The following RAB31 variants were observed in gnomAD, a reference collection of about 807,000 sequenced individuals.
RAB31 encodes the protein RAB31, member RAS oncogene family.
A neutral mutation model predicts 25.6 loss-of-function variants in RAB31; 21 were observed. The observed-to-expected ratio is 0.82, with a 90% CI of 0.58 to 1.18. The LOEUF (loss-of-function observed/expected upper bound fraction) is 1.18. RAB31 is among the 50% of genes most tolerant of loss of function. The pLI is 0.00. For synonymous variants in RAB31, 87 were observed against 84.0 expected (o/e 1.04, Z -0.20); for missense variants, 196 against 250.1 (o/e 0.78, Z 1.46).
At position 9,815,074 on chromosome 18, in the gene RAB31, T is replaced by C. The variant is rs377399469; in HGVS notation, c.274-42T>C. 13 of 1,339,948 alleles carry C rather than the reference T, an allele frequency of 9.7e-6. No individual in the cohort carries two copies. The East Asian group carries it at 1.8e-4, about 18-fold the overall frequency. The allele number at this position is 1,339,948 out of a possible 1,614,324, so 83.0% of individuals were successfully genotyped here. On this transcript the variant is annotated intron_variant, in intron 4 of 6. Coordinates refer to ENST00000578921, the MANE Select transcript of RAB31 (RefSeq NM_006868.4). The stretch of plus-strand genomic sequence containing the variant: ...ATTTCTGCTTAGTTGAAATATTATA[T>C]TGAGGGGTCTTTCTAATGATTTGTG...
intron 6 of RAB31, among the ~76,000 whole-genome samples, chr18:9,848,680 A>G (rs2068773922): frequency 6.6e-6 from 1 of 152,216 alleles, no homozygotes; most frequent in East Asian, 1.9e-4. Flanking sequence ...AGGCTCCCCA[A>G]AGCAATGTTC....
At position 9,750,512 on chromosome 18, in the gene RAB31, C is replaced by T. The variant is rs766243438; in HGVS notation, c.40-24766C>T. 1.4e-4 allele frequency among the ~76,000 whole-genome samples: 22 copies of T among 152,232 alleles called. 1 individual carries two copies. Among genetic ancestry groups the T allele is most frequent in the Non-Finnish European group, 1.0e-4 (7 of 68,032 alleles). ...GAATCCTTTTCTGGGGGAGAGGTGCCGGCAGTTGCATGCAAAACTGGGCAC... is the reference window on the plus strand; with the variant it reads ...GAATCCTTTTCTGGGGGAGAGGTGCTGGCAGTTGCATGCAAAACTGGGCAC... On this transcript the variant is annotated intron_variant, in intron 1 of 6. Transcript: ENST00000578921.
intron 5 of RAB31, among the ~76,000 whole-genome samples, chr18:9,828,004 A>C (rs888293865): frequency 6.6e-6 from 1 of 152,082 alleles, no homozygotes; most frequent in Admixed American, 6.5e-5. Flanking sequence ...ATCTGTTGTG[A>C]CTAGGAAAGG....
chr18:9,774,992 A>G (rs1443161508), intron 1 of RAB31: 1 of 551,816 alleles, frequency 1.8e-6, no homozygotes, highest in Non-Finnish European at 3.5e-6. Flanking sequence ...TTCTGAAAAT[A>G]CATCCATAGT....
intron 2 of RAB31, among the ~76,000 whole-genome samples, chr18:9,776,129 A>G (rs1168813510): frequency 1.3e-5 from 2 of 152,084 alleles, no homozygotes; most frequent in African/African-American, 4.8e-5. Context: ...TTCCACTGTC[A>G]TGTGTGGGGA....
At chr18:9,775,381 C>T (rs1205266327) in intron 2 of RAB31, 24 bp downstream of exon 2, 1 of 1,612,948 alleles carries the variant, frequency 6.2e-7, no homozygotes. Flanking sequence ...TGTCATTCTC[C>T]TTCGCGTTGC....
chr18:9,720,639 G>C (rs887478048), intron 1 of RAB31, among the ~76,000 whole-genome samples: 5 of 151,928 alleles, frequency 3.3e-5, no homozygotes, highest in Admixed American at 3.3e-4. Flanking sequence ...CCTGCCTGGT[G>C]CGGGGGGTAG....
chr18:9,731,881 C>T (rs2068124675), intron 1 of RAB31, among the ~76,000 whole-genome samples: 1 of 152,168 alleles, frequency 6.6e-6, no homozygotes, highest in Non-Finnish European at 1.5e-5. Context: ...AGGCATGAGC[C>T]ACCATGCCTG....
intron 1 of RAB31, among the ~76,000 whole-genome samples, chr18:9,738,815 G>A (rs998274886): frequency 1.3e-5 from 2 of 152,230 alleles, no homozygotes; most frequent in Admixed American, 1.3e-4. Context: ...GGCCTCTGGA[G>A]TAGGAGGAGG....
chr18:9,709,181 A>G (rs1342778758), intron 1 of RAB31, among the ~76,000 whole-genome samples: 3 of 152,108 alleles, frequency 2.0e-5, no homozygotes, highest in African/African-American at 7.2e-5. Context: ...GCAGCCAGAA[A>G]CAAAAAAGCA....
chr18:9,791,780 A>T (rs893859053), intron 2 of RAB31, among the ~76,000 whole-genome samples: 1 of 151,866 alleles, frequency 6.6e-6, no homozygotes, highest in Admixed American at 6.6e-5. Context: ...AATTTTTTGT[A>T]TTTTTAGTAG....
rs147342922 is a variant in RAB31, at chr18:9,710,566, A to G, written c.39+2122A>G. ...GGCAGACGGAGGCTTTGAAACATCA[A>G]TCGTGGCCGGTCGCGTTGGCTCACA... On this transcript the variant is annotated intron_variant, in intron 1 of 6. Coordinates refer to ENST00000578921, the MANE Select transcript of RAB31 (RefSeq NM_006868.4). 4.2e-3 allele frequency among the ~76,000 whole-genome samples: 643 copies of G among 152,198 alleles called. 6 individuals carry two copies. Among genetic ancestry groups the G allele is most frequent in the African/African-American group, 0.014 (590 of 41,520 alleles).
At chr18:9,723,621 G>C (rs2068082967) in intron 1 of RAB31, 1 of 152,236 alleles carries the variant, frequency 6.6e-6, no homozygotes, top group Non-Finnish European at 1.5e-5. Context: ...GGAAAGTCCA[G>C]GACGGGGCAG....
intron 1 of RAB31, among the ~76,000 whole-genome samples, chr18:9,756,271 C>T (rs965067860): frequency 2.6e-5 from 4 of 152,188 alleles, no homozygotes; most frequent in African/African-American, 9.7e-5. Context: ...ATTCCTAATA[C>T]ATCATGAGTC....
intron 3 of RAB31, among the ~76,000 whole-genome samples, chr18:9,811,585 A>G (rs1286788698): frequency 1.3e-5 from 2 of 152,214 alleles, no homozygotes; most frequent in Non-Finnish European, 2.9e-5. Flanking sequence ...CTTAAAAACC[A>G]TATTATTTAA....
rs5823076 is a variant in RAB31, at chr18:9,861,748, CT to C, written c.*2433del. Reference sequence around the variant, plus strand: ...GTTTTCCAAAATTTGTTCCTTCTCCCTTTTTTTTTTCTTTCGTGTGTGGCAT... The same window carrying C: ...GTTTTCCAAAATTTGTTCCTTCTCCCTTTTTTTTTCTTTCGTGTGTGGCAT... On this transcript the variant is annotated 3_prime_UTR_variant, in exon 7 of 7. Coordinates refer to ENST00000578921, the MANE Select transcript of RAB31 (RefSeq NM_006868.4). 0.049 allele frequency: 7,390 copies of C among 149,618 alleles called. 200 individuals carry two copies. Among genetic ancestry groups the C allele is most frequent in the East Asian group, 0.1 (515 of 5,128 alleles). The allele number at this position is 149,618 out of a possible 1,614,324, so 9.3% of individuals were successfully genotyped here.
intron 5 of RAB31, among the ~76,000 whole-genome samples, chr18:9,832,243 C>A (rs145194349): frequency 6.6e-6 from 1 of 152,100 alleles, no homozygotes; most frequent in Admixed American, 6.5e-5. Flanking sequence ...CCTCACATCA[C>A]CCATGCCAGA....
intron 2 of RAB31, among the ~76,000 whole-genome samples, chr18:9,783,322 C>T (rs979337611): frequency 3.3e-5 from 5 of 152,128 alleles, no homozygotes; most frequent in African/African-American, 1.2e-4. Context: ...CTGGTTAGGC[C>T]ACTGCACTCT....
At chr18:9,742,970 TA>T (rs1322398960) in intron 1 of RAB31, among the ~76,000 whole-genome samples, 1 of 152,194 alleles carries the variant, frequency 6.6e-6, no homozygotes, top group Non-Finnish European at 1.5e-5. Context: ...AGTAGGATTT[TA>T]AAAAACCAAA....
Sources: allele counts gnomAD v4.1 joint callset (sites outside exome capture counted in the v4.1 genomes callset), GRCh38; gene constraint gnomAD v4.1.1; transcripts MANE v1.5; gene names NCBI Gene and HGNC (gene_info 2026-07-23, HGNC 2026-07-21).